Variants in FBXL18 observed in about 807,000 individuals in gnomAD.
FBXL18 encodes F-box and leucine rich repeat protein 18.
In FBXL18, 36 loss-of-function variants were observed where a neutral mutation model predicts 46.0. The ratio of observed to expected loss-of-function variants is 0.78; its 90% CI spans 0.60 to 1.03. FBXL18 has a LOEUF of 1.03. Ranked by LOEUF, FBXL18 falls within the 50% of genes least tolerant of loss-of-function variation. The probability of loss-of-function intolerance (pLI) is 0.00; values close to 1 mark genes in which losing one functional copy is unlikely to be tolerated. For synonymous variants in FBXL18, 557 were observed against 465.3 expected (o/e 1.20, Z -2.54); for missense variants, 977 against 1,004.1 (o/e 0.97, Z 0.36).
In FBXL18 at chr7:5,500,915, C is replaced by A. The variant is rs1398722391; in HGVS notation, c.1354G>T (p.Val452Leu). The A allele has an allele frequency of 6.4e-7, 1 of 1,570,470 alleles. No individual in the cohort carries two copies. Among genetic ancestry groups the A allele is most frequent in the Non-Finnish European group, 8.6e-7 (1 of 1,158,814 alleles). ...GGACAGGACTGCACGCCCACACGCA[C>A]TTTCTTGCCAAAGCCGCGCGGCACT... ...HAVPRGFGKK[V>L]RVGVQSCPSP... The change falls in exon 3 of 5, where the codon GTG (valine) becomes TTG (leucine). Residue 452 changes from valine (V) to leucine (L), a missense_variant. Coordinates refer to ENST00000382368, the MANE Select transcript of FBXL18 (RefSeq NM_024963.6).
chr7:5,486,301 C>G (rs1301932581), intron 4 of FBXL18, among the ~76,000 whole-genome samples: 1 of 148,708 alleles, frequency 6.7e-6, no homozygotes, highest in Non-Finnish European at 1.5e-5. Context: ...TGCCTCTAAT[C>G]CCAGCTACTC....
At chr7:5,504,029 T>C (rs1784332478) in intron 2 of FBXL18, among the ~76,000 whole-genome samples, 1 of 150,076 alleles carries the variant, frequency 6.7e-6, no homozygotes, top group East Asian at 2.0e-4. Flanking sequence ...GCCGAGCCCT[T>C]CCTCTGCAGA....
At chr7:5,463,878 T>C (rs1353493502) in intron 4 of FBXL18, among the ~76,000 whole-genome samples, 1 of 151,070 alleles carries the variant, frequency 6.6e-6, no homozygotes, top group African/African-American at 2.4e-5. Flanking sequence ...GTAGCTGGGA[T>C]TACAGGCGTG....
chr7:5,513,796 C>T lies in FBXL18; in HGVS notation c.-122G>A. On this transcript the variant is annotated 5_prime_UTR_variant, in exon 1 of 5. Coordinates refer to ENST00000382368, the MANE Select transcript of FBXL18 (RefSeq NM_024963.6). Reference sequence around the variant, plus strand: ...AACCGAGACCCCGGCAAGGAGCGGGCTCTCGTCACTTCCGGCGCCCGCCTA... The same window carrying T: ...AACCGAGACCCCGGCAAGGAGCGGGTTCTCGTCACTTCCGGCGCCCGCCTA... The T allele has an allele frequency of 1.5e-6, 2 of 1,363,962 alleles. No individual in the cohort carries two copies. Among genetic ancestry groups the T allele is most frequent in the Non-Finnish European group, 2.0e-6 (2 of 1,007,896 alleles). The allele number at this position is 1,363,962 out of a possible 1,614,324, so 84.5% of individuals were successfully genotyped here. A position where few individuals can be genotyped will look rare whatever the true frequency, so the allele number is the denominator to read the frequency against.
In FBXL18 at chr7:5,500,673, G is replaced by A; in HGVS notation, c.1596C>T (p.Phe532=). Residue 532 remains phenylalanine, a synonymous_variant, in exon 3 of 5, where the codon TTC becomes TTT. Transcript: ENST00000382368. ...GCTGTGCGAGCGTCAGGTGCCGCAGGAAGGCCAGCTGGCCGATGGCGGCCA... is the reference window on the plus strand; with the variant it reads ...GCTGTGCGAGCGTCAGGTGCCGCAGAAAGGCCAGCTGGCCGATGGCGGCCA... The part of the protein sequence containing the change: ...SEVAAIGQLA[F]LRHLTLAQLP... The A allele has an allele frequency of 6.2e-7, 1 of 1,611,362 alleles. No homozygotes were observed. Among genetic ancestry groups the A allele is most frequent in the Non-Finnish European group, 8.5e-7 (1 of 1,179,266 alleles).
chr7:5,511,192 T>G (rs1272597727), intron 1 of FBXL18, among the ~76,000 whole-genome samples: 2 of 151,914 alleles, frequency 1.3e-5, no homozygotes, highest in Non-Finnish European at 2.9e-5. Flanking sequence ...ATCCCAGCAC[T>G]CTGGGAAGCC....
intron 4 of FBXL18, among the ~76,000 whole-genome samples, chr7:5,485,447 GA>G (rs1288267864): frequency 2.0e-5 from 3 of 152,186 alleles, no homozygotes; most frequent in Non-Finnish European, 2.9e-5. Context: ...TCATTGGCGA[GA>G]TGTGCCTCTC....
Position 5,455,057 on chromosome 7 carries a change from A to G in FBXL18, c.2001-7214T>C, listed in dbSNP as rs990957521. On this transcript the variant is annotated intron_variant and NMD_transcript_variant, in intron 4 of 6. Transcript: ENST00000415009. This position sits in a 1 kb window ranked among gnomAD's most constrained non-coding sequence, Gnocchi z 4.6. ...ACTGGCACTCCGAGTGCCACCTTCC[A>G]CGCCGTCACTTTAGGAGTTTGCTGT... Among the ~76,000 whole-genome samples, 4 of 152,164 alleles carry G rather than the reference A, an allele frequency of 2.6e-5. No individual in the cohort carries two copies. The highest frequency in any genetic ancestry group is 1.3e-4 in the Admixed American group (2 of 15,270).
intron 1 of FBXL18, among the ~76,000 whole-genome samples, chr7:5,512,763 G>A (rs6968134): frequency 6.6e-6 from 1 of 152,140 alleles, no homozygotes; most frequent in Admixed American, 6.6e-5. Flanking sequence ...GCCACACACC[G>A]TTCCTTGTCA....
intron 3 of FBXL18, among the ~76,000 whole-genome samples, chr7:5,499,688 G>A (rs527375579): frequency 8.8e-5 from 13 of 147,354 alleles, no homozygotes; most frequent in Non-Finnish European, 1.8e-4. Flanking sequence ...CCAAGATCGC[G>A]CCACTGCACT....
Position 5,481,367 on chromosome 7 carries a change from G to A in FBXL18, c.*408C>T, listed in dbSNP as rs1230079677. 3 of 169,050 alleles carry A rather than the reference G, an allele frequency of 1.8e-5. No homozygotes were observed. The highest frequency in any genetic ancestry group is 4.8e-5 in the African/African-American group (2 of 41,576). The allele number at this position is 169,050 out of a possible 1,614,324, so 10.5% of individuals were successfully genotyped here. On this transcript the variant is annotated 3_prime_UTR_variant, in exon 5 of 5. Transcript: ENST00000382368. ...TGTGGCCGCCCATCCACGGGGCCCCGGTGGCAGGTGACCACAAACACAACA... is the reference window on the plus strand; with the variant it reads ...TGTGGCCGCCCATCCACGGGGCCCCAGTGGCAGGTGACCACAAACACAACA...
intron 4 of FBXL18, among the ~76,000 whole-genome samples, chr7:5,482,547 C>T (rs13225299): frequency 0.43 from 63,077 of 147,546 alleles, 14,066 homozygotes; most frequent in South Asian, 0.54. Context: ...ACGCTGTGCA[C>T]GAAAACTCAT....
chr7:5,455,864 C>T lies in FBXL18; in HGVS notation c.2001-8021G>A, dbSNP rs922924343. 1.5e-4 allele frequency among the ~76,000 whole-genome samples: 23 copies of T among 152,002 alleles called. No individual in the cohort carries two copies. Among genetic ancestry groups the T allele is most frequent in the Non-Finnish European group, 2.5e-4 (17 of 68,010 alleles). ...TCTCCATATGACCCCAGCCAATGAG[C>T]GGGCGAGACCTGGCCATCTCTGCCC... On this transcript the variant is annotated intron_variant and NMD_transcript_variant, in intron 4 of 6. Coordinates refer to the FBXL18 transcript ENST00000415009. The surrounding 1 kb of genome is among the most constrained non-coding windows in gnomAD (Gnocchi z 4.6).
chr7:5,457,372 A>G (rs902956853), intron 4 of FBXL18, among the ~76,000 whole-genome samples: 8 of 152,100 alleles, frequency 5.3e-5, no homozygotes, highest in African/African-American at 1.9e-4. Context: ...GCTATCCTAA[A>G]CTGAGTCCTT....
intron 2 of FBXL18, among the ~76,000 whole-genome samples, chr7:5,505,120 C>T (rs914207132): frequency 2.0e-5 from 3 of 151,604 alleles, no homozygotes; most frequent in African/African-American, 4.8e-5. Context: ...CCACTCCTAG[C>T]GATCCACAAG....
rs765076373 is a variant in FBXL18 at position 5,500,625 on chromosome 7, G to T, written c.1644C>A (p.Ser548=). ...ACTGCAGGCCGATATTGACCAGCCC[G>T]GAGCCCGTAAGGACGCTGGGCAGCT... ...LAQLPSVLTG[S]GLVNIGLQCQ... Residue 548 remains serine (S), a synonymous_variant, in exon 3 of 5, where the codon TCC becomes TCA. Transcript: ENST00000382368. 1.2e-6 allele frequency: 2 copies of T among 1,613,108 alleles called. No individual in the cohort carries two copies. Among genetic ancestry groups the T allele is most frequent in the Non-Finnish European group, 1.7e-6 (2 of 1,179,816 alleles).
In FBXL18 at chr7:5,462,979, TATATATATATATATATA is replaced by T. The variant is rs1332033003; in HGVS notation, c.2001-15153_2001-15137del. Among the ~76,000 whole-genome samples the T allele has an allele frequency of 4.0e-3, 150 of 37,898 alleles. 6 individuals are homozygous for T. Among genetic ancestry groups the T allele is most frequent in the African/African-American group, 8.8e-3 (111 of 12,572 alleles). The allele number at this position is 37,898 out of a possible 152,430, so 24.9% of individuals were successfully genotyped here. On this transcript the variant is annotated intron_variant and NMD_transcript_variant, in intron 4 of 6. Transcript: ENST00000415009. ...AAAAAAAAAAAAAAAAATATATATATATATATATATATATATAATATATATACACACACACATGCATA... is the reference window on the plus strand; with the variant it reads ...AAAAAAAAAAAAAAAAATATATATATATATATATACACACACACATGCATA...
Position 5,478,440 on chromosome 7 carries a change from C to G in FBXL18, c.*3335G>C, listed in dbSNP as rs568619746. On this transcript the variant is annotated 3_prime_UTR_variant, in exon 5 of 5. Coordinates refer to ENST00000382368, the MANE Select transcript of FBXL18 (RefSeq NM_024963.6). ...GCCACCTTCGGAAGCCTGGTGGAGCCGAGTGTTGCCTGGTGACGTGGAGCA... is the reference window on the plus strand; with the variant it reads ...GCCACCTTCGGAAGCCTGGTGGAGCGGAGTGTTGCCTGGTGACGTGGAGCA... 6.5e-6 allele frequency: 1 copy of G among 152,706 alleles called. No homozygotes were observed. The highest frequency in any genetic ancestry group is 2.4e-5 in the African/African-American group (1 of 41,454). The allele number at this position is 152,706 out of a possible 1,614,324, so 9.5% of individuals were successfully genotyped here.
intron 4 of FBXL18, 94 bp from the exon 5 acceptor site, chr7:5,482,025 C>T: frequency 1.4e-6 from 2 of 1,453,824 alleles, no homozygotes; most frequent in South Asian, 1.3e-5. Flanking sequence ...ACACCTGCCT[C>T]CCCGTCCCGG....
Sources: gnomAD v4.1 joint callset for allele counts (sites outside exome capture counted in the v4.1 genomes callset) on GRCh38, gnomAD v4.1.1 for gene constraint, Gnocchi (gnomAD v3.1) non-coding constraint, MANE v1.5 for transcripts, NCBI Gene and HGNC (gene_info 2026-07-23, HGNC 2026-07-21) for gene names.